The following RUNDC3A variants were observed in gnomAD, a reference collection of about 807,000 sequenced individuals.
The protein encoded by RUNDC3A is RUN domain containing 3A.
A neutral mutation model predicts 53.9 loss-of-function variants in RUNDC3A; 28 were observed. That is an observed-to-expected ratio of 0.52 (90% CI 0.38 to 0.71). The LOEUF is 0.71. Ranked by LOEUF, RUNDC3A falls within the 30% of genes least tolerant of loss-of-function variation. The probability of loss-of-function intolerance (pLI) is 0.00; values close to 1 mark genes in which losing one functional copy is unlikely to be tolerated. For synonymous variants in RUNDC3A, 232 were observed against 249.4 expected (o/e 0.93, Z 0.66); for missense variants, 491 against 597.3 (o/e 0.82, Z 1.85).
intron 1 of RUNDC3A, among the ~76,000 whole-genome samples, chr17:44,309,678 C>T (rs1035388132): frequency 2.0e-5 from 3 of 152,126 alleles, no homozygotes; most frequent in African/African-American, 7.2e-5. Flanking sequence ...AGCTGCTCAG[C>T]CACTCCCCCT....
At chr17:44,311,387 G>A in intron 1 of RUNDC3A, 2 of 968,520 alleles carry the variant, frequency 2.1e-6, no homozygotes, top group Non-Finnish European at 2.5e-6. Flanking sequence ...AGACATACCT[G>A]CTTGACTACT....
Position 44,308,698 on chromosome 17 carries a change from A to C in RUNDC3A, c.-135A>C. 2.0e-6 allele frequency: 1 copy of C among 489,162 alleles called. No homozygotes were observed. The highest frequency in any genetic ancestry group is 4.0e-5 in the South Asian group (1 of 25,198). The allele number at this position is 489,162 out of a possible 1,614,324, so 30.3% of individuals were successfully genotyped here. A position where few individuals can be genotyped will look rare whatever the true frequency, so the allele number is the denominator to read the frequency against. ...GCGAGGGGGCCGGGCACCGGGCGCA[A>C]AGGCAGGGGGATGGCCATGGAAGGG... On this transcript the variant is annotated 5_prime_UTR_variant, in exon 1 of 11. Coordinates refer to ENST00000426726, the MANE Select transcript of RUNDC3A (RefSeq NM_001144825.2).
Position 44,318,169 on chromosome 17 carries a change from G to C in RUNDC3A, c.1272G>C (p.Ala424=). The change falls in exon 11 of 11, where the codon GCG becomes GCC. Residue 424 remains alanine (A), a synonymous_variant. Coordinates refer to ENST00000426726, the MANE Select transcript of RUNDC3A (RefSeq NM_001144825.2). ...LASIPSCKSL[A]SFKSNECLVS... Reference sequence around the variant, plus strand: ...CCATTCCCAGCTGCAAGTCCCTGGCGAGCTTCAAATCCAACGAGTGCCTGG... The same window carrying C: ...CCATTCCCAGCTGCAAGTCCCTGGCCAGCTTCAAATCCAACGAGTGCCTGG... 1 of 1,551,510 alleles carries C rather than the reference G, an allele frequency of 6.4e-7. No individual in the cohort carries two copies. The highest frequency in any genetic ancestry group is 8.7e-7 in the Non-Finnish European group (1 of 1,146,986).
At chr17:44,313,593 T>G in intron 4 of RUNDC3A, 90 bp downstream of exon 4, 1 of 1,491,702 alleles carries the variant, frequency 6.7e-7, no homozygotes, top group South Asian at 1.3e-5. Context: ...TGCAGCATCC[T>G]TCAGTTCCTG....
At position 44,309,114 on chromosome 17, in the gene RUNDC3A, C is replaced by T. The variant is rs548103109; in HGVS notation, c.107+175C>T. On this transcript the variant is annotated intron_variant, in intron 1 of 10. Coordinates refer to ENST00000426726, the MANE Select transcript of RUNDC3A (RefSeq NM_001144825.2). ...CCCAGAGGGAGGCTGCAGTCTGGTC[C>T]CTACCCTTCTAGGCCAAGCCAAGCC... Among the ~76,000 whole-genome samples, 1,149 of 152,266 alleles carry T rather than the reference C, an allele frequency of 7.5e-3. 11 individuals carry two copies. The highest frequency in any genetic ancestry group is 0.012 in the Non-Finnish European group (847 of 67,996).
rs1309707674 is a variant in RUNDC3A, at chr17:44,315,654, C to T, written c.953+45C>T. The T allele has an allele frequency of 1.5e-6, 2 of 1,359,044 alleles. No homozygotes were observed. The highest frequency in any genetic ancestry group is 1.9e-6 in the Non-Finnish European group (2 of 1,045,898). 84.2% of individuals were successfully genotyped at this position (1,359,044 alleles called of 1,614,324 possible). On this transcript the variant is annotated intron_variant, in intron 8 of 10. Coordinates refer to ENST00000426726, the MANE Select transcript of RUNDC3A (RefSeq NM_001144825.2). The surrounding 1 kb of genome is among the most constrained non-coding windows in gnomAD (Gnocchi z 6.1). ...TAACCCCTGACCCCCGCCGCCCCGA[C>T]CACATCACCGGGTGAACCCCATCTT...
rs2047767088 is a variant in RUNDC3A at position 44,312,512 on chromosome 17, T to C, written c.108-68T>C. On this transcript the variant is annotated intron_variant, in intron 1 of 10. Coordinates refer to ENST00000426726, the MANE Select transcript of RUNDC3A (RefSeq NM_001144825.2). ...TTTCTTCTCTGCCGGTTGCTCCCTG[T>C]CTCTCCCTCCATCACCTGTTTCCTC... The C allele has an allele frequency of 4.5e-6, 4 of 880,584 alleles. No homozygotes were observed. In the South Asian group the frequency reaches 6.2e-5, roughly 14 times the overall value. 54.5% of individuals were successfully genotyped at this position (880,584 alleles called of 1,614,324 possible). A position where few individuals can be genotyped will look rare whatever the true frequency, so the allele number is the denominator to read the frequency against.
rs1598319906 is a variant in RUNDC3A at position 44,308,810 on chromosome 17, G to A, written c.-23G>A. 2 of 1,528,328 alleles carry A rather than the reference G, an allele frequency of 1.3e-6. No homozygotes were observed. The highest frequency in any genetic ancestry group is 8.9e-7 in the Non-Finnish European group (1 of 1,120,386). The allele number at this position is 1,528,328 out of a possible 1,614,324, so 94.7% of individuals were successfully genotyped here. A position where few individuals can be genotyped will look rare whatever the true frequency, so the allele number is the denominator to read the frequency against. ...GAGGGGTGGGGGGGCAGCGGGCGGCGGCAGCAGTGGCCGCACATCTGGATG... is the reference window on the plus strand; with the variant it reads ...GAGGGGTGGGGGGGCAGCGGGCGGCAGCAGCAGTGGCCGCACATCTGGATG... On this transcript the variant is annotated 5_prime_UTR_variant, in exon 1 of 11. Transcript: ENST00000426726.
chr17:44,317,699 GC>G, intron 10 of RUNDC3A: 1 of 635,528 alleles, frequency 1.6e-6, no homozygotes, highest in South Asian at 1.8e-5. Flanking sequence ...TGGCCATGTA[GC>G]CCCATCACAC....
At position 44,308,914 on chromosome 17, in the gene RUNDC3A, C is replaced by T. The variant is rs368382884; in HGVS notation, c.82C>T (p.Arg28Cys). 15 of 1,607,082 alleles carry T rather than the reference C, an allele frequency of 9.3e-6. No homozygotes were observed. Among genetic ancestry groups the T allele is most frequent in the Non-Finnish European group, 1.3e-5 (15 of 1,176,830 alleles). Residue 28 changes from arginine (R) to cysteine (C), a missense_variant, in exon 1 of 11, where the codon CGT becomes TGT. Transcript: ENST00000426726. ...GTCCTCTCGCAACGTGGCTGTGGAG[C>T]GTAAGAACCTGATCACCGTGTGCAG... ...KASSRNVAVE[R>C]KNLITVCRFS...
At chr17:44,317,495 G>A in intron 10 of RUNDC3A, 1 of 780,888 alleles carries the variant, frequency 1.3e-6, no homozygotes, top group Non-Finnish European at 2.4e-6. Context: ...GAAGCTCAGA[G>A]CCAAATTAGT....
At chr17:44,317,334 A>T (rs1446411274) in intron 10 of RUNDC3A, 1 of 693,956 alleles carries the variant, frequency 1.4e-6, no homozygotes, top group African/African-American at 1.8e-5. Context: ...CAATGTTGTC[A>T]CATGGTGAGG....
chr17:44,308,897 G>A lies in RUNDC3A; in HGVS notation c.65G>A (p.Arg22His), dbSNP rs751508008. Residue 22 changes from arginine (R) to histidine (H), a missense_variant, in exon 1 of 11, where the codon CGC (arginine) becomes CAC (histidine). By Grantham distance (29) the Arg-to-His change is conservative. Transcript: ENST00000426726. ...CTGTCCTCCAAGAAAGCGTCCTCTC[G>A]CAACGTGGCTGTGGAGCGTAAGAAC... The part of the protein sequence containing the change: ...LGLSSKKASS[R>H]NVAVERKNLI... 2.5e-6 allele frequency: 4 copies of A among 1,611,582 alleles called. No homozygotes were observed. The highest frequency in any genetic ancestry group is 3.4e-6 in the Non-Finnish European group (4 of 1,178,826).
chr17:44,316,820 C>CTTTT (rs35019446), intron 10 of RUNDC3A, 95 bp downstream of exon 10: 17 of 398,426 alleles, frequency 4.3e-5, no homozygotes, highest in Admixed American at 1.5e-4. Context: ...TTCTCTTAGT[C>CTTTT]TTTTTTTTTT....
rs777844575 is a variant in RUNDC3A, at chr17:44,314,687, G to C, written c.459-48G>C. ...CAATAGCAGCTCTGGGGGGGGGGGG[G>C]GCGCTCCAGGGGCCTGCTGCATCCT... On this transcript the variant is annotated intron_variant, in intron 4 of 10. Coordinates refer to ENST00000426726, the MANE Select transcript of RUNDC3A (RefSeq NM_001144825.2). The C allele has an allele frequency of 1.9e-5, 22 of 1,135,002 alleles. 1 individual carries two copies. The highest frequency in any genetic ancestry group is 1.3e-4 in the South Asian group (9 of 67,904). 70.3% of individuals were successfully genotyped at this position (1,135,002 alleles called of 1,614,324 possible). A position where few individuals can be genotyped will look rare whatever the true frequency, so the allele number is the denominator to read the frequency against.
At chr17:44,313,648 C>T in intron 4 of RUNDC3A, 145 bp downstream of exon 4, 1 of 1,379,406 alleles carries the variant, frequency 7.2e-7, no homozygotes, top group Non-Finnish European at 9.4e-7. Context: ...TTTCCCTCTT[C>T]CAGCCTGGCC....
Position 44,316,480 on chromosome 17 carries a change from T to C in RUNDC3A, c.1049T>C (p.Leu350Pro). ...LVNQWPSLGTLNGAEGASNSK... is the reference protein window; with the variant it reads ...LVNQWPSLGTPNGAEGASNSK... ...AATCAATGGCCCTCACTGGGAACGC[T>C]TAATGGGGCCGAGGGCGCCAGCAAC... Residue 350 changes from leucine (L) to proline (P), a missense_variant, in exon 9 of 11, where the codon CTT becomes CCT. Leu to Pro is a moderately conservative substitution (Grantham distance 98). Around this residue, in one of 2 missense-constraint regions of RUNDC3A, gnomAD observed 218 missense variants for 208.2 expected, o/e 1.05. Transcript: ENST00000426726. The C allele has an allele frequency of 6.2e-7, 1 of 1,613,382 alleles. No homozygotes were observed. The highest frequency in any genetic ancestry group is 8.5e-7 in the Non-Finnish European group (1 of 1,179,824).
intron 4 of RUNDC3A, chr17:44,314,234 G>A: frequency 1.0e-6 from 1 of 1,004,288 alleles, no homozygotes. Flanking sequence ...GGGTTCACAG[G>A]GAGGTTGGGT....
intron 1 of RUNDC3A, among the ~76,000 whole-genome samples, 191 bp from the exon 2 acceptor site, chr17:44,312,389 C>T (rs2047765015): frequency 6.6e-6 from 1 of 152,112 alleles, no homozygotes; most frequent in Non-Finnish European, 1.5e-5. Flanking sequence ...CATCTGCCAC[C>T]CTCTCACTCC....
Sources: allele counts gnomAD v4.1 joint callset (sites outside exome capture counted in the v4.1 genomes callset), GRCh38; gene constraint gnomAD v4.1.1; regional missense constraint gnomAD v4.1.1; non-coding constraint Gnocchi (gnomAD v3.1); transcripts MANE v1.5; gene names NCBI Gene and HGNC (gene_info 2026-07-23, HGNC 2026-07-21).